Variants in TNKS observed in about 807,000 individuals in gnomAD.
TNKS encodes the protein tankyrase.
TNKS carries 72 observed loss-of-function variants against 135.8 expected under a neutral mutation model. The observed-to-expected ratio is 0.53, with a 90% confidence interval of 0.44 to 0.64. TNKS has a LOEUF of 0.64. Ranked by LOEUF, TNKS falls within the 30% of genes least tolerant of loss-of-function variation. The pLI, the probability that TNKS is intolerant of heterozygous loss-of-function variation, is 0.00. For synonymous variants in TNKS, 849 were observed against 649.3 expected (o/e 1.31, Z -4.68); for missense variants, 1,769 against 1,674.0 (o/e 1.06, Z -0.99).
intron 4 of TNKS, 130 bp from the exon 5 acceptor site, chr8:9,680,594 GA>G: frequency 1.7e-6 from 1 of 599,218 alleles, no homozygotes; most frequent in Non-Finnish European, 3.0e-6. Context: ...TATTGCAAAA[GA>G]GATTTATTGT....
intron 3 of TNKS, among the ~76,000 whole-genome samples, chr8:9,626,573 A>G (rs1304851393): frequency 6.6e-6 from 1 of 152,102 alleles, no homozygotes; most frequent in Non-Finnish European, 1.5e-5. Context: ...TTCTGTTGAA[A>G]CCTAGGCATG....
At position 9,751,802 on chromosome 8, in the gene TNKS, A is replaced by G. The variant is rs962608065; in HGVS notation, c.3026A>G (p.Asn1009Ser). Residue 1009 changes from asparagine (N) to serine (S), a missense_variant, in exon 19 of 27, where the codon AAT becomes AGT. Coordinates refer to ENST00000310430, the MANE Select transcript of TNKS (RefSeq NM_003747.3). Reference protein sequence around the residue: ...LAELAVGGASNAGDGAAGTER... With the variant: ...LAELAVGGASSAGDGAAGTER... The stretch of plus-strand genomic sequence containing the variant: ...GAGTTGGCCGTAGGAGGAGCCTCCA[A>G]TGCAGGGGATGGCGCCGCGGGAACA... 2.5e-6 allele frequency: 4 copies of G among 1,614,168 alleles called. No homozygotes were observed. Among genetic ancestry groups the G allele is most frequent in the Non-Finnish European group, 2.5e-6 (3 of 1,180,030 alleles).
chr8:9,731,042 G>C lies in TNKS; in HGVS notation c.2147+7G>C. ...TCCATGCCAAAGACAAGGGGTACGT[G>C]TTAGAAGTTAGCTGTTTGGGAGTCA... On this transcript the variant is annotated splice_region_variant and intron_variant, in intron 14 of 26. Coordinates refer to ENST00000310430, the MANE Select transcript of TNKS (RefSeq NM_003747.3). 6.3e-7 allele frequency: 1 copy of C among 1,586,632 alleles called. No homozygotes were observed. Among genetic ancestry groups the C allele is most frequent in the South Asian group, 1.2e-5 (1 of 86,718 alleles).
At position 9,574,165 on chromosome 8, in the gene TNKS, A is replaced by G. The variant is rs528996679; in HGVS notation, c.674-5994A>G. 2.0e-5 allele frequency among the ~76,000 whole-genome samples: 3 copies of G among 152,350 alleles called. No individual in the cohort carries two copies. The East Asian group carries it at 5.8e-4, about 29-fold the overall frequency. On this transcript the variant is annotated intron_variant, in intron 1 of 26. Transcript: ENST00000310430. ...TATTTTTAAATTGCTTTGAATATGT[A>G]ATATAATGTTATTTTTTCTCATGAA...
At chr8:9,672,305 G>A (rs1232465246) in intron 3 of TNKS, among the ~76,000 whole-genome samples, 1 of 152,128 alleles carries the variant, frequency 6.6e-6, no homozygotes, top group Non-Finnish European at 1.5e-5. Context: ...ACCTTGGAAT[G>A]TATCCCCTGT....
At chr8:9,571,551 G>C (rs904499258) in intron 1 of TNKS, among the ~76,000 whole-genome samples, 1 of 152,028 alleles carries the variant, frequency 6.6e-6, no homozygotes, top group African/African-American at 2.4e-5. Context: ...TCCGCCTCCC[G>C]GGTTCACGCC....
At chr8:9,661,159 C>G (rs1205268076) in intron 3 of TNKS, among the ~76,000 whole-genome samples, 1 of 151,880 alleles carries the variant, frequency 6.6e-6, no homozygotes, top group Non-Finnish European at 1.5e-5. Context: ...CCATACTGCC[C>G]AAGGTAATTT....
chr8:9,759,659 C>G (rs141710962), intron 20 of TNKS, among the ~76,000 whole-genome samples: 1,759 of 152,202 alleles, frequency 0.012, 35 homozygotes, highest in African/African-American at 0.04. Flanking sequence ...TCCAGACGTG[C>G]ACTGTATGTA....
chr8:9,606,616 T>C (rs1336816491), intron 2 of TNKS, among the ~76,000 whole-genome samples: 1 of 152,154 alleles, frequency 6.6e-6, no homozygotes, highest in African/African-American at 2.4e-5. Flanking sequence ...TCTTTAAGTC[T>C]TTGAAATTTT....
intron 20 of TNKS, among the ~76,000 whole-genome samples, chr8:9,756,285 A>G (rs534331135): frequency 6.6e-6 from 1 of 152,208 alleles, no homozygotes; most frequent in Non-Finnish European, 1.5e-5. Flanking sequence ...ACAACCTTTT[A>G]AGCCCAAGCA....
intron 2 of TNKS, among the ~76,000 whole-genome samples, chr8:9,588,845 C>T (rs1234753323): frequency 6.6e-6 from 1 of 151,930 alleles, no homozygotes; most frequent in Non-Finnish European, 1.5e-5. Context: ...CTTTTAGTGA[C>T]CAGGAAAACA....
intron 3 of TNKS, among the ~76,000 whole-genome samples, chr8:9,665,819 A>G (rs951734162): frequency 6.6e-6 from 1 of 152,140 alleles, no homozygotes; most frequent in Non-Finnish European, 1.5e-5. Flanking sequence ...GCCCTAGAGT[A>G]ACTACTAAGA....
chr8:9,611,602 A>G (rs6996976), intron 2 of TNKS, among the ~76,000 whole-genome samples: 43,796 of 152,050 alleles, frequency 0.29, 6,601 homozygotes, highest in East Asian at 0.38. Flanking sequence ...ATTTTGAAGC[A>G]TCCAGAATTG....
intron 14 of TNKS, among the ~76,000 whole-genome samples, chr8:9,731,698 A>C (rs1805450479): frequency 6.6e-6 from 1 of 152,124 alleles, no homozygotes; most frequent in Non-Finnish European, 1.5e-5. Flanking sequence ...TCCACTCAGT[A>C]GTGTATCTTG....
At chr8:9,578,381 C>G (rs528403342) in intron 1 of TNKS, among the ~76,000 whole-genome samples, 27 of 152,308 alleles carry the variant, frequency 1.8e-4, no homozygotes, top group Admixed American at 5.9e-4. Flanking sequence ...AACCAGGAAC[C>G]CTGGTAAGAT....
chr8:9,668,785 G>C (rs1215850635), intron 3 of TNKS, among the ~76,000 whole-genome samples: 2 of 152,176 alleles, frequency 1.3e-5, no homozygotes, highest in African/African-American at 4.8e-5. Flanking sequence ...GTAAAAGTGA[G>C]TGATGTAGAG....
At chr8:9,758,612 C>T (rs767518687) in intron 20 of TNKS, among the ~76,000 whole-genome samples, 13 of 152,126 alleles carry the variant, frequency 8.5e-5, no homozygotes, top group Non-Finnish European at 1.6e-4. Context: ...GCCTCTGGCT[C>T]AAGGTCTGTC....
At chr8:9,625,915 T>G (rs1800037721) in intron 3 of TNKS, among the ~76,000 whole-genome samples, 1 of 152,200 alleles carries the variant, frequency 6.6e-6, no homozygotes, top group Non-Finnish European at 1.5e-5. Flanking sequence ...TGCCTGTTAT[T>G]AATAGATTCT....
At chr8:9,653,337 G>A (rs1428859913) in intron 3 of TNKS, among the ~76,000 whole-genome samples, 1 of 152,068 alleles carries the variant, frequency 6.6e-6, no homozygotes, top group African/African-American at 2.4e-5. Flanking sequence ...CTCTGTTTCT[G>A]TAAAACATTG....
Sources: gnomAD v4.1 joint callset for allele counts (sites outside exome capture counted in the v4.1 genomes callset) on GRCh38, gnomAD v4.1.1 for gene constraint, MANE v1.5 for transcripts, NCBI Gene and HGNC (gene_info 2026-07-23, HGNC 2026-07-21) for gene names.